ATG7: variants seen among roughly 807,000 people sequenced by gnomAD.
ATG7 encodes the protein ubiquitin-like modifier-activating enzyme ATG7.
Under a neutral mutation model 82.4 loss-of-function variants are expected in ATG7, and 70 were observed. That is an observed-to-expected ratio of 0.85 (90% CI 0.70 to 1.04). The LOEUF (loss-of-function observed/expected upper bound fraction) is 1.04. Ranked by LOEUF, ATG7 falls within the 50% of genes least tolerant of loss-of-function variation. ATG7 has a pLI of 0.00. For synonymous variants in ATG7, 287 were observed against 313.0 expected, an observed-to-expected ratio of 0.92 and a Z score of 0.88; for missense variants, 792 against 864.3, an observed-to-expected ratio of 0.92 and a Z score of 1.05.
intron 20 of ATG7, among the ~76,000 whole-genome samples, chr3:11,501,344 G>C (rs535900348): frequency 3.9e-4 from 59 of 152,340 alleles, no homozygotes; most frequent in African/African-American, 1.4e-3. Flanking sequence ...GAAAACCTGA[G>C]AAAAGTGCCT....
intron 20 of ATG7, among the ~76,000 whole-genome samples, chr3:11,504,146 T>C (rs1054837222): frequency 2.0e-5 from 3 of 151,934 alleles, no homozygotes; most frequent in Non-Finnish European, 4.4e-5. Flanking sequence ...CAAAAGACAG[T>C]CGAGAGGGGG....
At chr3:11,558,265 G>T (rs2072620446), downstream of ATG7, 1 of 500,024 alleles carries the variant, frequency 2.0e-6, no homozygotes, top group South Asian at 3.0e-5. Flanking sequence ...CCCCGTCGGG[G>T]CAGCAGACCT....
rs536265000 is a variant in ATG7, at chr3:11,377,998, T to C, written c.1876-1974T>C. 2.3e-4 allele frequency among the ~76,000 whole-genome samples: 34 copies of C among 150,328 alleles called. No individual in the cohort carries two copies. In the South Asian group the frequency reaches 7.2e-3, roughly 32 times the overall value. ...TTGTCATATTTTCATATGTTTATGA[T>C]GAGGCTATCTAACTTATACCAGTTA... On this transcript the variant is annotated intron_variant, in intron 18 of 20. Transcript: ENST00000693202.
chr3:11,407,414 G>A (rs1424372493), intron 19 of ATG7, among the ~76,000 whole-genome samples: 1 of 152,182 alleles, frequency 6.6e-6, no homozygotes, highest in African/African-American at 2.4e-5. Context: ...GCTCTTCCAG[G>A]CACACAGCAC....
chr3:11,409,855 C>A (rs1027671537), intron 19 of ATG7, among the ~76,000 whole-genome samples: 3 of 151,212 alleles, frequency 2.0e-5, no homozygotes, highest in African/African-American at 4.9e-5. Flanking sequence ...CATTGTGTTG[C>A]CTTTGCCCCA....
At chr3:11,507,773 G>T (rs1181482844) in intron 20 of ATG7, among the ~76,000 whole-genome samples, 5 of 152,102 alleles carry the variant, frequency 3.3e-5, no homozygotes, top group Non-Finnish European at 7.3e-5. Flanking sequence ...GCAATTTTAA[G>T]TCCACACTCT....
At chr3:11,285,332 G>T (rs1196548578) in intron 3 of ATG7, among the ~76,000 whole-genome samples, 2 of 151,422 alleles carry the variant, frequency 1.3e-5, no homozygotes, top group African/African-American at 4.9e-5. Context: ...GACTACAGGT[G>T]CCTGGCAATT....
At position 11,319,990 on chromosome 3, in the gene ATG7, T is replaced by C. The variant is rs927555808; in HGVS notation, c.678+4497T>C. 2.0e-5 allele frequency among the ~76,000 whole-genome samples: 3 copies of C among 152,186 alleles called. No individual in the cohort carries two copies. The East Asian group carries it at 5.8e-4, about 29-fold the overall frequency. On this transcript the variant is annotated intron_variant, in intron 9 of 20. Transcript: ENST00000693202. ...ATCATAATGAAACACCTGAATGTCTTCTTCCCTGTGCTCTAAGAGTAGGGG... is the reference window on the plus strand; with the variant it reads ...ATCATAATGAAACACCTGAATGTCTCCTTCCCTGTGCTCTAAGAGTAGGGG...
the ATG7 span, among the ~76,000 whole-genome samples, chr3:11,574,783 A>ATG: frequency 4.5e-3 from 508 of 111,750 alleles, 4 homozygotes; most frequent in Middle Eastern, 0.014. Flanking sequence ...ATTCAACTAT[A>ATG]TATGTGTGTG....
chr3:11,366,412 T>C (rs552499492), intron 18 of ATG7, among the ~76,000 whole-genome samples: 2 of 151,972 alleles, frequency 1.3e-5, no homozygotes, highest in Non-Finnish European at 2.9e-5. Flanking sequence ...TTTTTTGACA[T>C]GCATGTGTTA....
At chr3:11,384,852 T>C (rs1033672405) in intron 19 of ATG7, among the ~76,000 whole-genome samples, 2 of 152,044 alleles carry the variant, frequency 1.3e-5, no homozygotes, top group Non-Finnish European at 2.9e-5. Flanking sequence ...TCCCAGCTAC[T>C]TGGGGGGCTG....
At chr3:11,506,037 G>T (rs1216990045) in intron 20 of ATG7, among the ~76,000 whole-genome samples, 1 of 151,002 alleles carries the variant, frequency 6.6e-6, no homozygotes, top group Non-Finnish European at 1.5e-5. Context: ...GGAATGCTTT[G>T]TAAATAGAAC....
rs557450296 is a variant in ATG7, at chr3:11,516,448, G to A, written c.2080-38363G>A. On this transcript the variant is annotated intron_variant, in intron 20 of 20. Transcript: ENST00000693202. Reference sequence around the variant, plus strand: ...CAAAATGCAAAACACTGACAACACCGAATGGTAGTGAGAATGTGGAGCAAC... The same window carrying A: ...CAAAATGCAAAACACTGACAACACCAAATGGTAGTGAGAATGTGGAGCAAC... Among the ~76,000 whole-genome samples the A allele has an allele frequency of 7.0e-4, 107 of 152,202 alleles. 1 individual carries two copies. Among genetic ancestry groups the A allele is most frequent in the African/African-American group, 2.3e-3 (97 of 41,532 alleles).
At chr3:11,474,532 G>A (rs574128058) in intron 20 of ATG7, among the ~76,000 whole-genome samples, 37 of 152,296 alleles carry the variant, frequency 2.4e-4, no homozygotes, top group Admixed American at 1.1e-3. Context: ...CACAGGACTT[G>A]GAGGTTGCAG....
chr3:11,555,483 G>C lies in ATG7; in HGVS notation c.*640G>C, dbSNP rs1352780614. 2 of 152,784 alleles carry C rather than the reference G, an allele frequency of 1.3e-5. No individual in the cohort carries two copies. Among genetic ancestry groups the C allele is most frequent in the African/African-American group, 4.8e-5 (2 of 41,410 alleles). 9.5% of individuals were successfully genotyped at this position (152,784 alleles called of 1,614,324 possible). On this transcript the variant is annotated 3_prime_UTR_variant, in exon 21 of 21. Coordinates refer to ENST00000693202, the MANE Select transcript of ATG7 (RefSeq NM_001349232.2). ...CCTCCCAGCCTGTCCTCCACTGTGGGCATAGCATCTGTGCCTGCCTGCCTG... is the reference window on the plus strand; with the variant it reads ...CCTCCCAGCCTGTCCTCCACTGTGGCCATAGCATCTGTGCCTGCCTGCCTG...
intron 19 of ATG7, among the ~76,000 whole-genome samples, chr3:11,425,170 C>G (rs1399226527): frequency 6.6e-6 from 1 of 152,070 alleles, no homozygotes; most frequent in Non-Finnish European, 1.5e-5. Flanking sequence ...CACTATGTTG[C>G]CCAGGTTGGT....
rs1345858868 is a variant in ATG7 at position 11,351,404 on chromosome 3, T to C, written c.1284+3369T>C. Among the ~76,000 whole-genome samples the C allele has an allele frequency of 3.9e-5, 6 of 152,130 alleles. No homozygotes were observed. In the East Asian group the frequency reaches 1.2e-3, roughly 29 times the overall value. On this transcript the variant is annotated intron_variant, in intron 14 of 20. Coordinates refer to ENST00000693202, the MANE Select transcript of ATG7 (RefSeq NM_001349232.2). ...GAGTGGGAGTTAGCTAGATTGAGGG[T>C]AGCAGAGCTGTCTGTGCAAATGCCT...
In ATG7 at chr3:11,391,344, G is replaced by A. The variant is rs566939972; in HGVS notation, c.1956+11292G>A. ...ATGAAGCTGAGGTTTAATGTTCCCC[G>A]GAGCATGCACTGATGGGGAAGGATG... is the stretch of plus-strand genomic sequence containing the variant. On this transcript the variant is annotated intron_variant, in intron 19 of 20. Coordinates refer to ENST00000693202, the MANE Select transcript of ATG7 (RefSeq NM_001349232.2). Among the ~76,000 whole-genome samples the A allele has an allele frequency of 8.5e-5, 13 of 152,202 alleles. No homozygotes were observed. The South Asian group carries it at 2.1e-3, about 24-fold the overall frequency.
At chr3:11,425,752 A>G (rs1390257911) in intron 19 of ATG7, among the ~76,000 whole-genome samples, 1 of 152,204 alleles carries the variant, frequency 6.6e-6, no homozygotes, top group Non-Finnish European at 1.5e-5. Context: ...ACCTTATGTA[A>G]CCAATGCTTA....
Sources: gnomAD v4.1 joint callset for allele counts (sites outside exome capture counted in the v4.1 genomes callset) on GRCh38, gnomAD v4.1.1 for gene constraint, MANE v1.5 for transcripts, NCBI Gene and HGNC (gene_info 2026-07-23, HGNC 2026-07-21) for gene names.